NMUR2: variants seen among roughly 807,000 people sequenced by gnomAD.
NMUR2 encodes the protein neuromedin-U receptor 2.
A neutral mutation model predicts 25.1 loss-of-function variants in NMUR2; 24 were observed. The observed-to-expected ratio is 0.96, with a 90% CI of 0.69 to 1.34. The LOEUF is 1.34. Ranked by LOEUF, NMUR2 falls within the 40% of genes most tolerant of loss-of-function variation. NMUR2 has a pLI of 0.00. For synonymous variants in NMUR2, 218 were observed against 208.1 expected (o/e 1.05, Z -0.41); for missense variants, 533 against 512.8 (o/e 1.04, Z -0.38).
intron 3 of NMUR2, among the ~76,000 whole-genome samples, chr5:152,394,672 T>G (rs898284959): frequency 6.6e-6 from 1 of 152,206 alleles, no homozygotes; most frequent in African/African-American, 2.4e-5. Context: ...GGCAAATCAT[T>G]TCTTCTTGTG....
chr5:152,400,599 A>G (rs1433545468), intron 1 of NMUR2, among the ~76,000 whole-genome samples: 1 of 152,202 alleles, frequency 6.6e-6, no homozygotes, highest in Non-Finnish European at 1.5e-5. Context: ...GCTGAGAAGA[A>G]AAACACATTC....
rs1753317662 is a variant in NMUR2, at chr5:152,404,586, G to T, written c.528C>A (p.Leu176=). ...ILGIVWGFSV[L]FSLPNTSIHG... ...GGATGCTGGTGTTGGGCAGGGAGAA[G>T]AGCACGGAGAAGCCCCAGACGATGC... Residue 176 remains leucine, a synonymous_variant, in exon 1 of 4, where the codon CTC becomes CTA. Coordinates refer to ENST00000255262, the MANE Select transcript of NMUR2 (RefSeq NM_020167.5). 6.2e-7 allele frequency: 1 copy of T among 1,614,170 alleles called. No individual in the cohort carries two copies.
chr5:152,397,969 G>A, intron 2 of NMUR2, 91 bp downstream of exon 2: 1 of 838,216 alleles, frequency 1.2e-6, no homozygotes, highest in Non-Finnish European at 2.0e-6. Context: ...GGATAAATTG[G>A]AACCTACCCC....
At chr5:152,403,096 T>C (rs530901681) in intron 1 of NMUR2, among the ~76,000 whole-genome samples, 2 of 152,332 alleles carry the variant, frequency 1.3e-5, no homozygotes, top group South Asian at 4.1e-4. Context: ...GTGATATCTG[T>C]TTGTCCTGTC....
At chr5:152,395,944 T>G (rs935880596) in intron 2 of NMUR2, among the ~76,000 whole-genome samples, 2 of 152,104 alleles carry the variant, frequency 1.3e-5, no homozygotes, top group Non-Finnish European at 2.9e-5. Flanking sequence ...ATCTTGTTGT[T>G]ATAGGAATAA....
Position 152,405,205 on chromosome 5 carries a change from AAG to A in NMUR2, c.-94_-93del. The A allele has an allele frequency of 7.0e-7, 1 of 1,420,880 alleles. No homozygotes were observed. Among genetic ancestry groups the A allele is most frequent in the Non-Finnish European group, 9.4e-7 (1 of 1,059,498 alleles). 88.0% of individuals were successfully genotyped at this position (1,420,880 alleles called of 1,614,324 possible). On this transcript the variant is annotated 5_prime_UTR_variant, in exon 1 of 4. Coordinates refer to ENST00000255262, the MANE Select transcript of NMUR2 (RefSeq NM_020167.5). Reference sequence around the variant, plus strand: ...AAAAAAAGAAAAAAGGAAAACAAAAAAGAGAAAGCAGTCACGAAAGTCACAGG... The same window carrying A: ...AAAAAAAGAAAAAAGGAAAACAAAAAAGAAAGCAGTCACGAAAGTCACAGG...
At chr5:152,396,624 G>A (rs777015496) in intron 2 of NMUR2, among the ~76,000 whole-genome samples, 17 of 152,010 alleles carry the variant, frequency 1.1e-4, no homozygotes, top group South Asian at 4.2e-4. Context: ...AATTCCTGAC[G>A]GGCGTGGTGG....
rs1410695926 is a variant in NMUR2 at position 152,405,163 on chromosome 5, G to A, written c.-50C>T. On this transcript the variant is annotated 5_prime_UTR_variant, in exon 1 of 4. Transcript: ENST00000255262. ...CTGGTACGAGGCTCTGTTTCAAGCT[G>A]AGCCAGGAAAAAAAAAAAAAAAAGA... 1.1e-5 allele frequency: 15 copies of A among 1,336,036 alleles called. No homozygotes were observed. Among genetic ancestry groups the A allele is most frequent in the South Asian group, 7.6e-5 (4 of 52,354 alleles). 82.8% of individuals were successfully genotyped at this position (1,336,036 alleles called of 1,614,324 possible).
At chr5:152,399,830 C>T (rs1368778356) in intron 1 of NMUR2, among the ~76,000 whole-genome samples, 4 of 152,044 alleles carry the variant, frequency 2.6e-5, no homozygotes, top group East Asian at 1.9e-4. Flanking sequence ...TCAGGTGGAA[C>T]GAAAATTTAA....
chr5:152,400,110 T>C (rs1293207334), intron 1 of NMUR2, among the ~76,000 whole-genome samples: 3 of 152,100 alleles, frequency 2.0e-5, no homozygotes, highest in African/African-American at 4.8e-5. Flanking sequence ...CTAACAAACA[T>C]ATATGCTGCT....
rs1268213726 is a variant in NMUR2 at position 152,404,912 on chromosome 5, G to C, written c.202C>G (p.Leu68Val). Reference sequence around the variant, plus strand: ...ATAGCCTGGTGCTGCAGAATCACCAGGCACACCAGGACATTGCCAATGACC... The same window carrying C: ...ATAGCCTGGTGCTGCAGAATCACCACGCACACCAGGACATTGCCAATGACC... Reference protein sequence around the residue: ...VGVIGNVLVCLVILQHQAMKT... With the variant: ...VGVIGNVLVCVVILQHQAMKT... Residue 68 changes from leucine to valine, a missense_variant, in exon 1 of 4, where the codon CTG (leucine) becomes GTG (valine). By Grantham distance (32) the Leu-to-Val change is conservative (BLOSUM62 1). Coordinates refer to ENST00000255262, the MANE Select transcript of NMUR2 (RefSeq NM_020167.5). The C allele has an allele frequency of 1.2e-6, 2 of 1,613,892 alleles. No homozygotes were observed. The highest frequency in any genetic ancestry group is 3.3e-5 in the Admixed American group (2 of 60,000).
At chr5:152,393,736 G>A (rs1339214713) in intron 3 of NMUR2, among the ~76,000 whole-genome samples, 1 of 152,066 alleles carries the variant, frequency 6.6e-6, no homozygotes, top group African/African-American at 2.4e-5. Flanking sequence ...AGAAACACAA[G>A]GACTGTGATA....
chr5:152,392,237 T>C lies in NMUR2; in HGVS notation c.1202A>G (p.Gln401Arg). The part of the protein sequence containing the change: ...SHLPAALSSE[Q>R]MSRTNYQSFH... ...GCTTTGATAGTTTGTTCTTGACATC[T>C]GTTCACTAGAGAGGGCTGCTGGGAG... Residue 401 changes from glutamine to arginine, a missense_variant, in exon 4 of 4, where the codon CAG becomes CGG. Physicochemically the swap from Gln to Arg is conservative, Grantham distance 43. Transcript: ENST00000255262. The C allele has an allele frequency of 6.2e-7, 1 of 1,613,844 alleles. No homozygotes were observed. Among genetic ancestry groups the C allele is most frequent in the Non-Finnish European group, 8.5e-7 (1 of 1,179,810 alleles).
At chr5:152,403,348 T>G (rs1384089906) in intron 1 of NMUR2, among the ~76,000 whole-genome samples, 19 of 152,196 alleles carry the variant, frequency 1.2e-4, no homozygotes, top group Admixed American at 9.2e-4. Context: ...AATACCTCCC[T>G]TAAGTGGGTG....
chr5:152,402,374 C>A (rs1171847910), intron 1 of NMUR2, among the ~76,000 whole-genome samples: 1 of 152,140 alleles, frequency 6.6e-6, no homozygotes, highest in African/African-American at 2.4e-5. Flanking sequence ...TTTTTAAATT[C>A]TTCTAGAAGT....
At chr5:152,397,013 T>TTTG (rs1753164902) in intron 2 of NMUR2, among the ~76,000 whole-genome samples, 1 of 66,688 alleles carries the variant, frequency 1.5e-5, no homozygotes, top group Non-Finnish European at 3.2e-5. Context: ...GAGCTTCATG[T>TTTG]TTTTTTTTTT....
chr5:152,398,768 C>T (rs1454746673), intron 1 of NMUR2, among the ~76,000 whole-genome samples: 1 of 152,118 alleles, frequency 6.6e-6, no homozygotes, highest in African/African-American at 2.4e-5. Flanking sequence ...TTCCCCCAAC[C>T]CTTTTCAGTG....
intron 3 of NMUR2, among the ~76,000 whole-genome samples, chr5:152,393,262 A>T (rs1303571254): frequency 2.6e-5 from 4 of 152,148 alleles, no homozygotes; most frequent in Non-Finnish European, 5.9e-5. Flanking sequence ...TAAAATGGGA[A>T]TGTGATTTCC....
Position 152,404,694 on chromosome 5 carries a change from G to A in NMUR2, c.420C>T (p.Val140=). ...GGATGGCCACGTAGCGCTCCACGCT[G>A]ACGGTGGTGATGCTGAGGATGGAGG... ...CFASILSITT[V]SVERYVAILH... is the part of the protein sequence containing the mutation. Residue 140 remains valine, a synonymous_variant, in exon 1 of 4, where the codon GTC becomes GTT. Coordinates refer to ENST00000255262, the MANE Select transcript of NMUR2 (RefSeq NM_020167.5). 6.2e-7 allele frequency: 1 copy of A among 1,614,126 alleles called. No individual in the cohort carries two copies. The highest frequency in any genetic ancestry group is 8.5e-7 in the Non-Finnish European group (1 of 1,180,034).
Sources: allele counts gnomAD v4.1 joint callset (sites outside exome capture counted in the v4.1 genomes callset), GRCh38; gene constraint gnomAD v4.1.1; transcripts MANE v1.5; gene names NCBI Gene and HGNC (gene_info 2026-07-23, HGNC 2026-07-21).